Variants in FAM227A observed in about 807,000 individuals in gnomAD.
FAM227A encodes the protein protein FAM227A.
A neutral mutation model predicts 74.7 loss-of-function variants in FAM227A; 80 were observed. The ratio of observed to expected loss-of-function variants is 1.07; its 90% CI spans 0.89 to 1.29. The LOEUF (loss-of-function observed/expected upper bound fraction) is 1.29. Ranked by LOEUF, FAM227A falls within the 50% of genes most tolerant of loss-of-function variation. FAM227A has a pLI of 0.00. For missense variants in FAM227A, 654 were observed against 683.4 expected (o/e 0.96, Z 0.48); for synonymous variants, 237 against 241.8 (o/e 0.98, Z 0.19).
chr22:38,630,499 C>T (rs995980391), intron 6 of FAM227A, among the ~76,000 whole-genome samples: 13 of 152,176 alleles, frequency 8.5e-5, no homozygotes, highest in Non-Finnish European at 1.8e-4. Flanking sequence ...TTTCACAAAA[C>T]ACATGGAGAT....
intron 2 of FAM227A, among the ~76,000 whole-genome samples, chr22:38,647,632 T>C (rs1409524186): frequency 6.6e-6 from 1 of 152,136 alleles, no homozygotes; most frequent in Non-Finnish European, 1.5e-5. Flanking sequence ...TTCAGTTCTA[T>C]GGCCCCTCTT....
chr22:38,643,991 CAAA>C (rs1243864761), intron 3 of FAM227A, among the ~76,000 whole-genome samples: 9 of 151,514 alleles, frequency 5.9e-5, no homozygotes, highest in African/African-American at 2.2e-4. Flanking sequence ...ACTAAAAATA[CAAA>C]AAATTAGCCT....
At chr22:38,650,902 A>G (rs1257911982) in intron 1 of FAM227A, among the ~76,000 whole-genome samples, 1 of 152,166 alleles carries the variant, frequency 6.6e-6, no homozygotes, top group Non-Finnish European at 1.5e-5. Flanking sequence ...AGGCCTCGTT[A>G]TAATACAGCA....
chr22:38,645,982 G>C (rs539990594), intron 2 of FAM227A, among the ~76,000 whole-genome samples: 1 of 151,684 alleles, frequency 6.6e-6, no homozygotes, highest in Non-Finnish European at 1.5e-5. Context: ...ATGCAGTTTC[G>C]CCATGTTTCC....
intron 16 of FAM227A, among the ~76,000 whole-genome samples, chr22:38,587,401 A>C (rs2090833116): frequency 6.6e-6 from 1 of 152,202 alleles, no homozygotes. Context: ...ACATAGATGA[A>C]AGTGAGAACA....
intron 15 of FAM227A, 72 bp from the exon 16 acceptor site, chr22:38,591,612 C>A: frequency 9.6e-7 from 1 of 1,040,456 alleles, no homozygotes; most frequent in Non-Finnish European, 1.3e-6. Context: ...TCTGTATGTC[C>A]TATAAACTGA....
chr22:38,623,651 G>A (rs532835954), intron 9 of FAM227A, among the ~76,000 whole-genome samples: 3 of 152,176 alleles, frequency 2.0e-5, no homozygotes, highest in Non-Finnish European at 2.9e-5. Flanking sequence ...ACAACACACA[G>A]GTGTGTGAGT....
intron 6 of FAM227A, among the ~76,000 whole-genome samples, chr22:38,633,296 A>G (rs184074659): frequency 1.9e-4 from 29 of 151,770 alleles, no homozygotes; most frequent in Non-Finnish European, 1.2e-4. Context: ...GGAGTTGCAC[A>G]GTTTTATTTG....
In FAM227A at chr22:38,599,912, C is replaced by T. The variant is rs1308221753; in HGVS notation, c.1231G>A (p.Ala411Thr). Residue 411 changes from alanine (A) to threonine (T), a missense_variant, in exon 14 of 17, where the codon GCC becomes ACC. By Grantham distance (58) the Ala-to-Thr change is moderately conservative. Coordinates refer to ENST00000535113, the MANE Select transcript of FAM227A (RefSeq NM_001013647.2). The stretch of plus-strand genomic sequence containing the variant: ...GAAGTCAGCTCAGGGCTTTTGCAGG[C>T]AGCACACGACTAAGGATGAAAGAAA... ...ENMFPKKSCAACKSPELTSNL... is the reference protein window; with the variant it reads ...ENMFPKKSCATCKSPELTSNL... 1 of 1,545,608 alleles carries T rather than the reference C, an allele frequency of 6.5e-7. No individual in the cohort carries two copies. Among genetic ancestry groups the T allele is most frequent in the Non-Finnish European group, 8.7e-7 (1 of 1,144,742 alleles).
chr22:38,602,147 TTTAA>T (rs1452653186), intron 13 of FAM227A, among the ~76,000 whole-genome samples: 1 of 152,216 alleles, frequency 6.6e-6, no homozygotes, highest in Non-Finnish European at 1.5e-5. Flanking sequence ...TAGGGTTGCA[TTTAA>T]TTAATTGTCT....
Position 38,632,046 on chromosome 22 carries a change from A to T in FAM227A, c.520-3111T>A, listed in dbSNP as rs2091924052. Among the ~76,000 whole-genome samples, 3 of 152,154 alleles carry T rather than the reference A, an allele frequency of 2.0e-5. No homozygotes were observed. In the South Asian group the frequency reaches 6.2e-4, roughly 31 times the overall value. On this transcript the variant is annotated intron_variant, in intron 6 of 16. Coordinates refer to ENST00000535113, the MANE Select transcript of FAM227A (RefSeq NM_001013647.2). ...TGAGGGTAAGGGAGGAGACTGGCTG[A>T]TGCCCAGGTGGAAAGCTGTGTTTTC...
At position 38,586,011 on chromosome 22, in the gene FAM227A, G is replaced by A. The variant is rs2090798326; in HGVS notation, c.*114C>T. 6.5e-7 allele frequency: 1 copy of A among 1,540,664 alleles called. No homozygotes were observed. The highest frequency in any genetic ancestry group is 8.8e-7 in the Non-Finnish European group (1 of 1,142,182). ...AATCCTTCCCCTATGGAGAAATCAT[G>A]ATTCCTATTTCTGTCTTTGGCCACA... On this transcript the variant is annotated 3_prime_UTR_variant, in exon 17 of 17. Coordinates refer to ENST00000535113, the MANE Select transcript of FAM227A (RefSeq NM_001013647.2).
chr22:38,580,085 T>C lies in FAM227A; in HGVS notation c.*6040A>G, dbSNP rs1223821948. Reference sequence around the variant, plus strand: ...ACAGGCGTATGCCACCTTGCTCTGCTAATTTTTACTTTTTTTGTAGAGACA... The same window carrying C: ...ACAGGCGTATGCCACCTTGCTCTGCCAATTTTTACTTTTTTTGTAGAGACA... On this transcript the variant is annotated 3_prime_UTR_variant, in exon 17 of 17. Coordinates refer to ENST00000535113, the MANE Select transcript of FAM227A (RefSeq NM_001013647.2). 7.6e-6 allele frequency: 1 copy of C among 131,202 alleles called. No individual in the cohort carries two copies. Among genetic ancestry groups the C allele is most frequent in the Non-Finnish European group, 1.6e-5 (1 of 60,962 alleles). 8.1% of individuals were successfully genotyped at this position (131,202 alleles called of 1,614,324 possible).
intron 11 of FAM227A, among the ~76,000 whole-genome samples, chr22:38,611,716 C>T (rs933026571): frequency 2.0e-5 from 3 of 152,052 alleles, no homozygotes; most frequent in Non-Finnish European, 4.4e-5. Flanking sequence ...TGCCTTTGCC[C>T]GTGGTTCCAC....
chr22:38,590,887 C>T (rs566859289), intron 16 of FAM227A, among the ~76,000 whole-genome samples: 4 of 152,120 alleles, frequency 2.6e-5, no homozygotes, highest in East Asian at 1.9e-4. Flanking sequence ...CGGGTTCAAG[C>T]GATTCTCCTG....
intron 1 of FAM227A, among the ~76,000 whole-genome samples, chr22:38,655,515 TAAAAA>T (rs998889402): frequency 6.9e-6 from 1 of 144,424 alleles, no homozygotes; most frequent in Non-Finnish European, 1.5e-5. Context: ...GACTCTGTCT[TAAAAA>T]AAAAAAAAAT....
chr22:38,630,181 C>T (rs116875241), intron 6 of FAM227A, among the ~76,000 whole-genome samples: 3,396 of 152,330 alleles, frequency 0.022, 51 homozygotes, highest in Middle Eastern at 0.058. Context: ...ACACAGGTGC[C>T]TCTCCTTTAC....
chr22:38,613,042 TTA>T lies in FAM227A; in HGVS notation c.1039-5568_1039-5567del, dbSNP rs890722044. Among the ~76,000 whole-genome samples the T allele has an allele frequency of 1.5e-4, 18 of 116,788 alleles. 1 individual carries two copies. Among genetic ancestry groups the T allele is most frequent in the African/African-American group, 4.0e-4 (12 of 29,640 alleles). 76.6% of individuals were successfully genotyped at this position (116,788 alleles called of 152,430 possible). A position where few individuals can be genotyped will look rare whatever the true frequency, so the allele number is the denominator to read the frequency against. On this transcript the variant is annotated intron_variant, in intron 11 of 16. Transcript: ENST00000535113. ...AAAAATTCTACAAAGAAATATATTT[TTA>T]TATATATATTATATATATGTAAATA...
Position 38,578,494 on chromosome 22 carries a change from T to C in FAM227A, c.*7631A>G, listed in dbSNP as rs1429135557. 2 of 152,230 alleles carry C rather than the reference T, an allele frequency of 1.3e-5. No individual in the cohort carries two copies. Among genetic ancestry groups the C allele is most frequent in the African/African-American group, 2.4e-5 (1 of 41,452 alleles). 9.4% of individuals were successfully genotyped at this position (152,230 alleles called of 1,614,324 possible). A position where few individuals can be genotyped will look rare whatever the true frequency, so the allele number is the denominator to read the frequency against. ...ATAGGTGTCCAAGAGAGGCTTGCTA[T>C]GACAGTTTATTTTACTAGCATTTAT... On this transcript the variant is annotated 3_prime_UTR_variant, in exon 17 of 17. Transcript: ENST00000535113.
Sources: gnomAD v4.1 joint callset for allele counts (sites outside exome capture counted in the v4.1 genomes callset) on GRCh38, gnomAD v4.1.1 for gene constraint, MANE v1.5 for transcripts, NCBI Gene and HGNC (gene_info 2026-07-23, HGNC 2026-07-21) for gene names.